The following LRP1B variants were observed in gnomAD, a reference collection of about 807,000 sequenced individuals.
LRP1B encodes the protein LDL receptor related protein 1B.
In LRP1B, 217 loss-of-function variants were observed where a neutral mutation model predicts 556.6. The ratio of observed to expected loss-of-function variants is 0.39; its 90% CI spans 0.35 to 0.44. The LOEUF is 0.44. LRP1B is among the 20% of genes least tolerant of loss of function. The pLI, the probability that LRP1B is intolerant of heterozygous loss-of-function variation, is 1.00. For missense variants in LRP1B, 5,053 were observed against 5,620.8 expected, an observed-to-expected ratio of 0.90 and a Z score of 3.23; for synonymous variants, 2,047 against 1,865.8, an observed-to-expected ratio of 1.10 and a Z score of -2.50.
In LRP1B at chr2:140,686,459, G is replaced by A. The variant is rs114928390; in HGVS notation, c.6799+13791C>T. On this transcript the variant is annotated intron_variant, in intron 41 of 90. Coordinates refer to ENST00000389484, the MANE Select transcript of LRP1B (RefSeq NM_018557.3). Reference sequence around the variant, plus strand: ...AAGTAGTTAGTGAATAAATGGCTCAGGGGATACAGGAGAAGGGAGAGTGAA... The same window carrying A: ...AAGTAGTTAGTGAATAAATGGCTCAAGGGATACAGGAGAAGGGAGAGTGAA... 4.3e-3 allele frequency among the ~76,000 whole-genome samples: 650 copies of A among 152,018 alleles called. 4 individuals are homozygous for A. Among genetic ancestry groups the A allele is most frequent in the African/African-American group, 0.015 (610 of 41,506 alleles).
At chr2:141,985,764 G>A (rs1702170168) in intron 1 of LRP1B, among the ~76,000 whole-genome samples, 1 of 151,778 alleles carries the variant, frequency 6.6e-6, no homozygotes, top group African/African-American at 2.4e-5. Context: ...TCTACAGATT[G>A]AAGCAATTAA....
chr2:141,155,291 G>T lies in LRP1B; in HGVS notation c.1013+33130C>A, dbSNP rs1421041305. 2.6e-5 allele frequency among the ~76,000 whole-genome samples: 4 copies of T among 151,622 alleles called. No homozygotes were observed. In the South Asian group the frequency reaches 6.2e-4, roughly 24 times the overall value. On this transcript the variant is annotated intron_variant, in intron 7 of 90. Transcript: ENST00000389484. ...CAGAAAGTTTTAATTTTTACTGGAA[G>T]TTTACCCTTTTTAAATAATTCACAC... is the stretch of plus-strand genomic sequence containing the variant.
At chr2:141,987,549 G>GTT (rs5834887) in intron 1 of LRP1B, among the ~76,000 whole-genome samples, 29,420 of 139,784 alleles carry the variant, frequency 0.21, 3,441 homozygotes, top group East Asian at 0.32. Context: ...GATTTAAGCT[G>GTT]TTTTTTTTTT....
At chr2:140,774,089 A>G (rs1194789859) in intron 33 of LRP1B, among the ~76,000 whole-genome samples, 1 of 152,128 alleles carries the variant, frequency 6.6e-6, no homozygotes, top group African/African-American at 2.4e-5. Context: ...CCAAATAGGT[A>G]GTGATGTTAA....
chr2:141,907,298 A>G (rs955765997), intron 1 of LRP1B, among the ~76,000 whole-genome samples: 5 of 151,888 alleles, frequency 3.3e-5, no homozygotes, highest in Non-Finnish European at 7.4e-5. Context: ...CGGTGATGGC[A>G]CTGCTTTTCA....
At chr2:141,126,844 T>G (rs566023716) in intron 7 of LRP1B, among the ~76,000 whole-genome samples, 1 of 152,002 alleles carries the variant, frequency 6.6e-6, no homozygotes, top group African/African-American at 2.4e-5. Context: ...ACCCCTAATA[T>G]GATGATTAAT....
At chr2:141,005,783 C>A (rs1210108816) in intron 14 of LRP1B, among the ~76,000 whole-genome samples, 1 of 151,934 alleles carries the variant, frequency 6.6e-6, no homozygotes, top group Non-Finnish European at 1.5e-5. Context: ...AGTCTGAGTT[C>A]TTTGGAAAGT....
At chr2:140,849,738 C>T (rs569958262) in intron 29 of LRP1B, among the ~76,000 whole-genome samples, 2 of 152,076 alleles carry the variant, frequency 1.3e-5, no homozygotes, top group African/African-American at 4.8e-5. Context: ...AGGGTTTCAC[C>T]GTGTTGGTTC....
At chr2:140,586,412 A>G (rs1360362008) in intron 43 of LRP1B, among the ~76,000 whole-genome samples, 3 of 152,210 alleles carry the variant, frequency 2.0e-5, no homozygotes, top group African/African-American at 7.2e-5. Context: ...AGAAAACTTT[A>G]CTATAGCCAG....
chr2:141,637,173 G>C (rs1358188401), intron 2 of LRP1B, among the ~76,000 whole-genome samples: 1 of 152,126 alleles, frequency 6.6e-6, no homozygotes, highest in Non-Finnish European at 1.5e-5. Context: ...AAGACAGCTT[G>C]ATGGATTGTT....
chr2:142,109,929 T>A (rs1002616231), intron 1 of LRP1B, among the ~76,000 whole-genome samples: 3 of 152,112 alleles, frequency 2.0e-5, no homozygotes, highest in Non-Finnish European at 4.4e-5. Flanking sequence ...ATCAGCAAAG[T>A]ACAGTGTCAA....
chr2:141,653,073 T>G (rs921004822), intron 2 of LRP1B, among the ~76,000 whole-genome samples: 2 of 152,310 alleles, frequency 1.3e-5, no homozygotes, highest in Middle Eastern at 6.8e-3. Context: ...TGTTATAACA[T>G]GATCTCTCAA....
intron 77 of LRP1B, among the ~76,000 whole-genome samples, chr2:140,344,944 G>T (rs955974393): frequency 6.6e-6 from 1 of 151,672 alleles, no homozygotes; most frequent in Non-Finnish European, 1.5e-5. Flanking sequence ...AACTACATTG[G>T]TGATTCACCT....
At chr2:142,086,679 A>G (rs555349941) in intron 1 of LRP1B, among the ~76,000 whole-genome samples, 18 of 152,130 alleles carry the variant, frequency 1.2e-4, no homozygotes, top group Non-Finnish European at 2.1e-4. Flanking sequence ...GCTTTGCTGG[A>G]CTTGAGAAGT....
chr2:141,268,057 G>A (rs528154119), intron 3 of LRP1B, among the ~76,000 whole-genome samples: 1 of 152,104 alleles, frequency 6.6e-6, no homozygotes, highest in Non-Finnish European at 1.5e-5. Context: ...CTCAGACATA[G>A]GAGGCAATAA....
intron 11 of LRP1B, among the ~76,000 whole-genome samples, chr2:141,048,446 T>C (rs1698942653): frequency 6.6e-6 from 1 of 152,134 alleles, no homozygotes; most frequent in Non-Finnish European, 1.5e-5. Flanking sequence ...TATGTACCTA[T>C]AAATAAAAAT....
rs767717491 is a variant in LRP1B, at chr2:140,903,057, T to G, written c.3629A>C (p.Lys1210Thr). 4 of 1,613,696 alleles carry G rather than the reference T, an allele frequency of 2.5e-6. No homozygotes were observed. The South Asian group carries it at 4.4e-5, about 18-fold the overall frequency. ...PEGLQLNKDN[K>T]TCEIVDYCSN... ...ACAATAATCCACAATTTCACATGTT[T>G]TATTGTCTTTGTTGAGTTGAAGTCC... The change falls in exon 23 of 91, where the codon AAA becomes ACA. Residue 1210 changes from lysine (K) to threonine (T), a missense_variant. By Grantham distance (78) the Lys-to-Thr change is moderately conservative (BLOSUM62 -1). This residue lies in a region of LRP1B where 3,619 missense variants were observed against 3,931.9 expected (regional missense o/e 0.92). Coordinates refer to ENST00000389484, the MANE Select transcript of LRP1B (RefSeq NM_018557.3).
intron 20 of LRP1B, among the ~76,000 whole-genome samples, chr2:140,935,089 A>G (rs2105277328): frequency 6.6e-6 from 1 of 152,286 alleles, no homozygotes; most frequent in African/African-American, 2.4e-5. Context: ...TCAAATTTCT[A>G]GTTTTCAACA....
At position 141,013,694 on chromosome 2, in the gene LRP1B, C is replaced by T. The variant is rs2105385773; in HGVS notation, c.2242G>A (p.Gly748Arg). 6.2e-7 allele frequency: 1 copy of T among 1,603,332 alleles called. No individual in the cohort carries two copies. The highest frequency in any genetic ancestry group is 1.1e-5 in the South Asian group (1 of 89,504). ...LNHPFGLSHH[G>R]NYVFWTDYMN... ...TAATCAGTCCAGAACACATAATTTCCATGATGCGACAGTCCGAAAGGGTGG... is the reference window on the plus strand; with the variant it reads ...TAATCAGTCCAGAACACATAATTTCTATGATGCGACAGTCCGAAAGGGTGG... Residue 748 changes from glycine (G) to arginine (R), a missense_variant, in exon 14 of 91, where the codon GGA (glycine) becomes AGA (arginine). This residue lies in a region of LRP1B where 3,619 missense variants were observed against 3,931.9 expected (regional missense o/e 0.92). Transcript: ENST00000389484.
Sources: allele counts gnomAD v4.1 joint callset (sites outside exome capture counted in the v4.1 genomes callset), GRCh38; gene constraint gnomAD v4.1.1; regional missense constraint gnomAD v4.1.1; transcripts MANE v1.5; gene names NCBI Gene and HGNC (gene_info 2026-07-23, HGNC 2026-07-21).